The following DNAH5 variants were observed in gnomAD, a reference collection of about 807,000 sequenced individuals.
DNAH5 encodes the protein axonemal beta dynein heavy chain 5.
Under a neutral mutation model 518.2 loss-of-function variants are expected in DNAH5, and 372 were observed. That is an observed-to-expected ratio of 0.72 (90% CI 0.66 to 0.78). The LOEUF is 0.78. DNAH5 is among the 30% of genes least tolerant of loss of function. The probability of loss-of-function intolerance (pLI) is 0.00; values close to 1 mark genes in which losing one functional copy is unlikely to be tolerated. For synonymous variants in DNAH5, 2,039 were observed against 2,025.9 expected (o/e 1.01, Z -0.17); for missense variants, 5,523 against 5,687.0 (o/e 0.97, Z 0.93).
At chr5:13,778,596 A>AAGAAAGAAAGAAAG (rs768853052) in intron 53 of DNAH5, among the ~76,000 whole-genome samples, 1,905 of 101,756 alleles carry the variant, frequency 0.019, 37 homozygotes, top group Non-Finnish European at 0.023. Flanking sequence ...GAAAGAAAGA[A>AAGAAAGAAAGAAAG]AGAGAGAGAG....
At chr5:13,808,475 G>C (rs1580353501) in intron 46 of DNAH5, among the ~76,000 whole-genome samples, 1 of 152,164 alleles carries the variant, frequency 6.6e-6, no homozygotes, top group African/African-American at 2.4e-5. Context: ...GATCAAAGCA[G>C]AAGGAATCCT....
At chr5:13,811,975 T>A (rs2127028547) in intron 43 of DNAH5, 152 bp from the exon 44 acceptor site, 1 of 689,458 alleles carries the variant, frequency 1.5e-6, no homozygotes. Context: ...TACAAACTCT[T>A]CCACGTATTA....
chr5:13,773,561 C>T (rs1254533590), intron 55 of DNAH5, among the ~76,000 whole-genome samples: 2 of 152,180 alleles, frequency 1.3e-5, no homozygotes, highest in African/African-American at 2.4e-5. Flanking sequence ...ATTCATTCAA[C>T]GTCATAAGTA....
chr5:13,772,351 G>A (rs1372209067), intron 55 of DNAH5, among the ~76,000 whole-genome samples: 1 of 152,164 alleles, frequency 6.6e-6, no homozygotes, highest in Non-Finnish European at 1.5e-5. Context: ...TCTTTACGTA[G>A]CAAATTGTCC....
intron 11 of DNAH5, 41 bp from the exon 12 acceptor site, chr5:13,911,534 C>G: frequency 7.0e-7 from 1 of 1,422,662 alleles, no homozygotes; most frequent in Non-Finnish European, 9.9e-7. Context: ...TTTCAATATT[C>G]TTATATTACC....
chr5:13,946,950 T>G (rs1176962349), upstream of DNAH5, among the ~76,000 whole-genome samples: 1 of 152,218 alleles, frequency 6.6e-6, no homozygotes, highest in Non-Finnish European at 1.5e-5. Flanking sequence ...AATTGTAGAA[T>G]GCATAATTAT....
chr5:13,758,303 G>C (rs1312631498), intron 61 of DNAH5, among the ~76,000 whole-genome samples: 2 of 152,052 alleles, frequency 1.3e-5, no homozygotes, highest in African/African-American at 4.8e-5. Context: ...AGGAGTTCGA[G>C]ACCAGCCTGG....
At chr5:13,865,526 CA>C (rs1769117187) in intron 27 of DNAH5, 141 bp downstream of exon 27, 1 of 720,060 alleles carries the variant, frequency 1.4e-6, no homozygotes, top group East Asian at 2.5e-5. Flanking sequence ...TAGCATTTGA[CA>C]AGAGTGATGT....
chr5:13,866,106 T>C, intron 26 of DNAH5, 114 bp downstream of exon 26: 1 of 1,004,792 alleles, frequency 1.0e-6, no homozygotes, highest in South Asian at 1.4e-5. Flanking sequence ...TTAATGCAAG[T>C]ACATACCATA....
Position 13,841,083 on chromosome 5 carries a change from T to C in DNAH5, c.5532A>G (p.Glu1844=). Residue 1844 remains glutamate (E), a synonymous_variant, in exon 34 of 79, where the codon GAA becomes GAG. Transcript: ENST00000265104. ...TATCAAACTTGGCATTTCTAAGGGCTTCTTCTGAATCCCGTGTCCATATCA... is the reference window on the plus strand; with the variant it reads ...TATCAAACTTGGCATTTCTAAGGGCCTCTTCTGAATCCCGTGTCCATATCA... ...IQMIWTRDSE[E]ALRNAKFDKK... 6.2e-7 allele frequency: 1 copy of C among 1,614,164 alleles called. No individual in the cohort carries two copies.
At chr5:14,008,073 G>A (rs920719537) in intron 1 of DNAH5, among the ~76,000 whole-genome samples, 1 of 151,926 alleles carries the variant, frequency 6.6e-6, no homozygotes, top group African/African-American at 2.4e-5. Flanking sequence ...TTGGGAGGCT[G>A]AGACAGGAAA....
intron 38 of DNAH5, among the ~76,000 whole-genome samples, chr5:13,827,321 A>AAATGTCTC (rs1763009642): frequency 6.6e-6 from 1 of 151,762 alleles, no homozygotes; most frequent in South Asian, 2.1e-4. Flanking sequence ...ACAATGGAGA[A>AAATGTCTC]AATGTCTCCA....
chr5:13,754,197 A>G lies in DNAH5; in HGVS notation c.10555+6T>C, dbSNP rs1395487391. On this transcript the variant is annotated splice_donor_region_variant and intron_variant, in intron 62 of 78. Transcript: ENST00000265104. ...CACAATCTCATTAATAAAGAAATTT[A>G]CATACCTACAAGTCTTTTAGTTTGT... The G allele has an allele frequency of 6.2e-7, 1 of 1,614,080 alleles. No individual in the cohort carries two copies. Among genetic ancestry groups the G allele is most frequent in the Non-Finnish European group, 8.5e-7 (1 of 1,179,934 alleles).
chr5:13,971,085 T>C (rs1781832183), intron 1 of DNAH5, among the ~76,000 whole-genome samples: 1 of 152,200 alleles, frequency 6.6e-6, no homozygotes. Context: ...GCTGAGACTT[T>C]CCAGTGTATT....
chr5:13,980,860 G>T (rs1782626691), intron 1 of DNAH5, among the ~76,000 whole-genome samples: 1 of 152,170 alleles, frequency 6.6e-6, no homozygotes, highest in African/African-American at 2.4e-5. Flanking sequence ...TCCCTCAGCT[G>T]TTACATTAAG....
At chr5:13,869,368 C>G (rs996295205) in intron 24 of DNAH5, among the ~76,000 whole-genome samples, 5 of 151,790 alleles carry the variant, frequency 3.3e-5, no homozygotes, top group African/African-American at 1.2e-4. Context: ...TTAAAAATAA[C>G]AAATATAGTG....
At chr5:13,792,577 C>A (rs1757169176) in intron 49 of DNAH5, among the ~76,000 whole-genome samples, 1 of 152,168 alleles carries the variant, frequency 6.6e-6, no homozygotes, top group Admixed American at 6.5e-5. Context: ...TAGTTTCTGT[C>A]ATTGCCTTTC....
intron 1 of DNAH5, among the ~76,000 whole-genome samples, chr5:14,010,517 T>A (rs1785038914): frequency 6.6e-6 from 1 of 152,162 alleles, no homozygotes; most frequent in African/African-American, 2.4e-5. Context: ...TTATTGGTAT[T>A]AGAAGTAACA....
At chr5:13,792,309 T>C in intron 49 of DNAH5, 92 bp from the exon 50 acceptor site, 2 of 1,023,388 alleles carry the variant, frequency 2.0e-6, no homozygotes, top group Non-Finnish European at 1.5e-6. Context: ...TGCAAAAATG[T>C]CATTATACAT....
Sources: gnomAD v4.1 joint callset for allele counts (sites outside exome capture counted in the v4.1 genomes callset) on GRCh38, gnomAD v4.1.1 for gene constraint, MANE v1.5 for transcripts, NCBI Gene and HGNC (gene_info 2026-07-23, HGNC 2026-07-21) for gene names.